Variants in PALM2AKAP2 observed in about 807,000 individuals in gnomAD.
PALM2AKAP2 encodes the protein PALM2-AKAP2 fusion protein.
In PALM2AKAP2, 37 loss-of-function variants were observed where a neutral mutation model predicts 71.5. That is an observed-to-expected ratio of 0.52 (90% CI 0.40 to 0.68). The LOEUF (loss-of-function observed/expected upper bound fraction) is 0.68. Among genes scored for constraint, PALM2AKAP2 ranks in the 30% least tolerant of loss-of-function variants. The probability of loss-of-function intolerance (pLI) is 0.00; values close to 1 mark genes in which losing one functional copy is unlikely to be tolerated. For synonymous variants in PALM2AKAP2, 468 were observed against 478.8 expected, an observed-to-expected ratio of 0.98 and a Z score of 0.29; for missense variants, 1,224 against 1,191.8, an observed-to-expected ratio of 1.03 and a Z score of -0.40.
At chr9:109,898,725 T>C (rs1174561967) in intron 3 of PALM2AKAP2, among the ~76,000 whole-genome samples, 3 of 152,202 alleles carry the variant, frequency 2.0e-5, no homozygotes, top group Non-Finnish European at 4.4e-5. Context: ...ACTGACTCCA[T>C]TTTTCTTCTG....
At chr9:110,096,331 A>G (rs1834834795) in intron 1 of PALM2AKAP2, among the ~76,000 whole-genome samples, 2 of 151,804 alleles carry the variant, frequency 1.3e-5, no homozygotes, top group South Asian at 4.1e-4. Flanking sequence ...TAGCAGGTTC[A>G]TATGTCACTG....
chr9:109,653,614 G>A (rs778657435), intron 1 of PALM2AKAP2, among the ~76,000 whole-genome samples: 9 of 152,034 alleles, frequency 5.9e-5, no homozygotes, highest in Non-Finnish European at 8.8e-5. Flanking sequence ...AATCATTTGG[G>A]GTCATGTTGA....
At chr9:109,997,332 C>G (rs1008106110) in intron 6 of PALM2AKAP2, among the ~76,000 whole-genome samples, 1 of 152,274 alleles carries the variant, frequency 6.6e-6, no homozygotes, top group African/African-American at 2.4e-5. Context: ...TCTACCTCAT[C>G]ATGTTGTATG....
intron 1 of PALM2AKAP2, among the ~76,000 whole-genome samples, chr9:110,084,689 T>G (rs1308642069): frequency 6.6e-6 from 1 of 152,178 alleles, no homozygotes; most frequent in Non-Finnish European, 1.5e-5. Context: ...TAAAAAAAAG[T>G]CTGTGGGTGT....
chr9:109,819,257 C>G (rs939133418), intron 1 of PALM2AKAP2, among the ~76,000 whole-genome samples: 13 of 152,276 alleles, frequency 8.5e-5, no homozygotes, highest in African/African-American at 3.1e-4. Flanking sequence ...TAAATTTATT[C>G]AAGACATAGA....
exon 2 of PALM2AKAP2, chr9:110,137,657 G>T: frequency 1.9e-6 from 3 of 1,613,946 alleles, no homozygotes; most frequent in Non-Finnish European, 2.5e-6. Context: ...GCTTGACTCT[G>T]GTCTGGACGA....
intron 1 of PALM2AKAP2, among the ~76,000 whole-genome samples, chr9:109,666,617 G>A (rs189933534): frequency 5.3e-4 from 81 of 152,264 alleles, no homozygotes; most frequent in African/African-American, 1.8e-3. Context: ...GCTTTATGCC[G>A]TTGCTCTTGG....
chr9:110,112,689 T>C (rs529539712), intron 1 of PALM2AKAP2, among the ~76,000 whole-genome samples: 5 of 152,344 alleles, frequency 3.3e-5, no homozygotes, highest in Admixed American at 3.3e-4. Context: ...TCCACCTTTG[T>C]ATCTACAAGA....
intron 3 of PALM2AKAP2, among the ~76,000 whole-genome samples, chr9:110,157,390 T>TTGG (rs1554758176): frequency 6.7e-6 from 1 of 149,692 alleles, no homozygotes; most frequent in African/African-American, 2.5e-5. Flanking sequence ...CTTCAACTCT[T>TTGG]TTGTTGTTGT....
chr9:109,835,214 T>C (rs1828428737), intron 1 of PALM2AKAP2, among the ~76,000 whole-genome samples: 1 of 125,164 alleles, frequency 8.0e-6, no homozygotes, highest in African/African-American at 3.1e-5. Flanking sequence ...GAGGGGAGGG[T>C]GTAGGGAAAG....
At position 109,793,715 on chromosome 9, in the gene PALM2AKAP2, C is replaced by G. The variant is rs567358487; in HGVS notation, c.45+13182C>G. ...CCCGTGGGCCAAATTCAGCCTGCAG[C>G]CTCTTTTCATAAGGCCTATGAGCAG... is the stretch of plus-strand genomic sequence containing the variant. On this transcript the variant is annotated intron_variant, in intron 1 of 9. Coordinates refer to the PALM2AKAP2 transcript ENST00000302798. 3.7e-3 allele frequency among the ~76,000 whole-genome samples: 570 copies of G among 152,294 alleles called. 2 individuals carry two copies. The highest frequency in any genetic ancestry group is 0.011 in the South Asian group (54 of 4,818).
chr9:110,138,404 G>A (rs1237183526), exon 2 of PALM2AKAP2: 2 of 1,614,148 alleles, frequency 1.2e-6, no homozygotes, highest in African/African-American at 2.7e-5. Flanking sequence ...GTCCATGATT[G>A]AGGAAGAGAT....
intron 2 of PALM2AKAP2, among the ~76,000 whole-genome samples, chr9:109,876,567 C>A (rs1829727479): frequency 1.3e-5 from 2 of 152,152 alleles, no homozygotes; most frequent in South Asian, 4.2e-4. Context: ...GCAACATCTG[C>A]TTCCTGGGTT....
chr9:109,967,718 A>G (rs1331466426), intron 6 of PALM2AKAP2, among the ~76,000 whole-genome samples: 3 of 152,170 alleles, frequency 2.0e-5, no homozygotes, highest in Non-Finnish European at 2.9e-5. Context: ...CTGAGACTCC[A>G]TGTCTTGAAG....
At position 109,967,324 on chromosome 9, in the gene PALM2AKAP2, C is replaced by G. The variant is rs574874546; in HGVS notation, c.496+35296C>G. On this transcript the variant is annotated intron_variant, in intron 6 of 9. Transcript: ENST00000302798. The stretch of plus-strand genomic sequence containing the variant: ...TTTCTTGCCCAGCCTCCAAGTCTCA[C>G]AGCATCGCTTCTGCCACCTTCTATG... 3.7e-4 allele frequency among the ~76,000 whole-genome samples: 56 copies of G among 152,300 alleles called. No homozygotes were observed. In the Middle Eastern group the frequency reaches 0.014, roughly 37 times the overall value.
At chr9:109,883,268 T>C (rs919139200) in intron 3 of PALM2AKAP2, among the ~76,000 whole-genome samples, 9 of 152,212 alleles carry the variant, frequency 5.9e-5, no homozygotes, top group Non-Finnish European at 1.2e-4. Flanking sequence ...GCACACTCAA[T>C]GTATGCAGGC....
rs535271745 is a variant in PALM2AKAP2, at chr9:110,009,713, C to CAAAA, written c.497-6225_497-6222dup. Among the ~76,000 whole-genome samples the CAAAA allele has an allele frequency of 9.2e-3, 660 of 71,870 alleles. 6 individuals are homozygous for CAAAA. Among genetic ancestry groups the CAAAA allele is most frequent in the African/African-American group, 0.027 (635 of 23,152 alleles). The allele number at this position is 71,870 out of a possible 152,430, so 47.1% of individuals were successfully genotyped here. ...TGGGCAACAAAGTGAGACTCTGTCT[C>CAAAA]AAAAAAAAAAAAAAAAAAAGATGCA... On this transcript the variant is annotated intron_variant, in intron 6 of 9. Coordinates refer to the PALM2AKAP2 transcript ENST00000302798.
At position 109,646,211 on chromosome 9, in the gene PALM2AKAP2, G is replaced by A. The variant is rs569968070; in HGVS notation, c.5+5345G>A. Among the ~76,000 whole-genome samples the A allele has an allele frequency of 3.9e-5, 6 of 152,274 alleles. No homozygotes were observed. The South Asian group carries it at 1.2e-3, about 32-fold the overall frequency. On this transcript the variant is annotated intron_variant, in intron 1 of 6. Transcript: ENST00000374531. ...GTGGTACATGAAACATCAGGCAATG[G>A]CAGGTACTTGCTGCCCTCCTGGGTG...
At chr9:109,827,545 G>A (rs1828186542) in intron 1 of PALM2AKAP2, among the ~76,000 whole-genome samples, 2 of 152,078 alleles carry the variant, frequency 1.3e-5, no homozygotes, top group South Asian at 4.1e-4. Flanking sequence ...GGAGGCAGAG[G>A]TTGCAGTGAG....
Sources: allele counts gnomAD v4.1 joint callset (sites outside exome capture counted in the v4.1 genomes callset), GRCh38; gene constraint gnomAD v4.1.1; transcripts MANE v1.5; gene names NCBI Gene and HGNC (gene_info 2026-07-23, HGNC 2026-07-21).